The following ASTN2 variants were observed in gnomAD, a reference collection of about 807,000 sequenced individuals.
ASTN2 encodes astrotactin 2.
ASTN2 carries 54 observed loss-of-function variants against 139.8 expected under a neutral mutation model. The ratio of observed to expected loss-of-function variants is 0.39; its 90% CI spans 0.31 to 0.48. ASTN2 has a LOEUF of 0.48. Among genes scored for constraint, ASTN2 ranks in the 20% least tolerant of loss-of-function variants. ASTN2 has a pLI of 0.95. For missense variants in ASTN2, 1,565 were observed against 1,725.1 expected (o/e 0.91, Z 1.64); for synonymous variants, 756 against 719.5 (o/e 1.05, Z -0.81).
At chr9:116,479,596 C>A (rs553650561) in intron 20 of ASTN2, among the ~76,000 whole-genome samples, 2 of 152,144 alleles carry the variant, frequency 1.3e-5, no homozygotes, top group Non-Finnish European at 2.9e-5. Context: ...TCAAGGGCAT[C>A]GCACAAATGA....
At chr9:116,974,744 GGT>G (rs977732448) in intron 10 of ASTN2, among the ~76,000 whole-genome samples, 12 of 152,088 alleles carry the variant, frequency 7.9e-5, no homozygotes, top group African/African-American at 2.9e-4. Context: ...CCTGACCTCA[GGT>G]GAACCACCTG....
At chr9:117,166,318 T>C (rs1404236225) in intron 3 of ASTN2, among the ~76,000 whole-genome samples, 1 of 152,020 alleles carries the variant, frequency 6.6e-6, no homozygotes, top group Non-Finnish European at 1.5e-5. Flanking sequence ...CCCCTGTCTC[T>C]CTCCTCTTCA....
chr9:117,214,824 C>T, intron 2 of ASTN2, 82 bp from the exon 3 acceptor site: 4 of 1,338,272 alleles, frequency 3.0e-6, no homozygotes, highest in Non-Finnish European at 3.8e-6. Context: ...GTCCACTACA[C>T]TCTGCCAGGA....
intron 19 of ASTN2, chr9:116,582,455 A>C (rs1448185022): frequency 6.6e-6 from 1 of 152,262 alleles, no homozygotes; most frequent in South Asian, 2.1e-4. Flanking sequence ...GAGTCAAACT[A>C]AGACCCAAAG....
At chr9:116,467,058 G>A (rs1848667766) in intron 20 of ASTN2, among the ~76,000 whole-genome samples, 1 of 152,064 alleles carries the variant, frequency 6.6e-6, no homozygotes, top group Non-Finnish European at 1.5e-5. Flanking sequence ...CATCAGCCAA[G>A]CAAGGCAGCA....
chr9:116,731,201 AATAATAATAATAATAATAATAAT>A (rs1564237253), intron 14 of ASTN2, among the ~76,000 whole-genome samples: 30 of 147,360 alleles, frequency 2.0e-4, no homozygotes, highest in African/African-American at 7.1e-4. Context: ...TAATAATAAT[AATAATAATAATAATAATAATAAT>A]AAATCTTTTG....
intron 19 of ASTN2, among the ~76,000 whole-genome samples, chr9:116,594,721 T>C (rs1210787192): frequency 6.6e-6 from 1 of 152,154 alleles, no homozygotes; most frequent in Non-Finnish European, 1.5e-5. Flanking sequence ...TAAGGCATGA[T>C]TCATCATGCA....
At chr9:117,150,275 A>G (rs908347632) in intron 3 of ASTN2, among the ~76,000 whole-genome samples, 2 of 152,194 alleles carry the variant, frequency 1.3e-5, no homozygotes, top group African/African-American at 4.8e-5. Flanking sequence ...AGATGAATGC[A>G]ATAAATACAA....
At chr9:116,706,802 T>C (rs1160713416) in intron 16 of ASTN2, among the ~76,000 whole-genome samples, 3 of 133,936 alleles carry the variant, frequency 2.2e-5, no homozygotes, top group African/African-American at 8.6e-5. Flanking sequence ...GCTGGCAAGC[T>C]CATGCTTTGT....
In ASTN2 at chr9:116,776,901, G is replaced by A. The variant is rs373771204; in HGVS notation, c.2396+28731C>T. On this transcript the variant is annotated intron_variant, in intron 13 of 22. Coordinates refer to ENST00000313400, the MANE Select transcript of ASTN2 (RefSeq NM_001365068.1). Reference sequence around the variant, plus strand: ...TAGTGAGCGATAAGGGACACCAGAGGTTCATGCAGAACAAATCATTCTAGA... The same window carrying A: ...TAGTGAGCGATAAGGGACACCAGAGATTCATGCAGAACAAATCATTCTAGA... Among the ~76,000 whole-genome samples the A allele has an allele frequency of 1.2e-4, 18 of 152,328 alleles. 2 individuals are homozygous for A. The highest frequency in any genetic ancestry group is 3.8e-4 in the African/African-American group (16 of 41,574).
At chr9:116,960,871 G>A (rs911750936) in intron 10 of ASTN2, among the ~76,000 whole-genome samples, 6 of 152,164 alleles carry the variant, frequency 3.9e-5, no homozygotes, top group African/African-American at 1.4e-4. Context: ...CACCTGCACA[G>A]CTGACTCAGC....
chr9:117,136,060 G>A (rs977197899), intron 4 of ASTN2, among the ~76,000 whole-genome samples: 1 of 152,018 alleles, frequency 6.6e-6, no homozygotes, highest in African/African-American at 2.4e-5. Context: ...TCTATAACAA[G>A]GTAAATGTAT....
At chr9:117,285,298 T>C (rs554083903) in intron 2 of ASTN2, among the ~76,000 whole-genome samples, 1 of 150,356 alleles carries the variant, frequency 6.7e-6, no homozygotes, top group South Asian at 2.1e-4. Flanking sequence ...TTTTTTTTTT[T>C]CTATCTCTTT....
intron 1 of ASTN2, among the ~76,000 whole-genome samples, chr9:117,369,158 C>T (rs1829926688): frequency 6.6e-6 from 1 of 152,110 alleles, no homozygotes; most frequent in Non-Finnish European, 1.5e-5. Flanking sequence ...CAAAGCTCTT[C>T]TACTTGTTGT....
chr9:117,304,369 C>T (rs1834948903), intron 1 of ASTN2, among the ~76,000 whole-genome samples: 4 of 152,178 alleles, frequency 2.6e-5, no homozygotes, highest in Admixed American at 1.3e-4. Context: ...GCTTCACCTA[C>T]CCTCTCCTCC....
chr9:116,957,077 G>A (rs1835730105), intron 10 of ASTN2, among the ~76,000 whole-genome samples: 1 of 144,998 alleles, frequency 6.9e-6, no homozygotes, highest in African/African-American at 2.6e-5. Context: ...CAGAAATTGA[G>A]AAGCTCATTC....
At chr9:116,934,931 C>T (rs942437892) in intron 10 of ASTN2, among the ~76,000 whole-genome samples, 10 of 152,140 alleles carry the variant, frequency 6.6e-5, no homozygotes, top group South Asian at 2.1e-4. Context: ...CAGGTTGTTA[C>T]GTGTGTACAT....
At chr9:116,933,979 C>CTTTTTTTTTTTTGTTTTTT (rs1834987933) in intron 10 of ASTN2, among the ~76,000 whole-genome samples, 1 of 86,910 alleles carries the variant, frequency 1.2e-5, no homozygotes, top group South Asian at 3.5e-4. Context: ...AGTGTTAGTC[C>CTTTTTTTTTTTTGTTTTTT]TTTTTTTTTT....
At chr9:117,283,211 G>A (rs1247293005) in intron 2 of ASTN2, among the ~76,000 whole-genome samples, 5 of 152,032 alleles carry the variant, frequency 3.3e-5, no homozygotes, top group Non-Finnish European at 7.4e-5. Flanking sequence ...ATCTCTAAAT[G>A]TTGTGAAAAA....
Sources: gnomAD v4.1 joint callset for allele counts (sites outside exome capture counted in the v4.1 genomes callset) on GRCh38, gnomAD v4.1.1 for gene constraint, MANE v1.5 for transcripts, NCBI Gene and HGNC (gene_info 2026-07-23, HGNC 2026-07-21) for gene names.